Variants in MSR1 observed in about 807,000 individuals in gnomAD.
MSR1 encodes the protein macrophage scavenger receptor types I and II.
MSR1 carries 53 observed loss-of-function variants against 47.2 expected under a neutral mutation model. The ratio of observed to expected loss-of-function variants is 1.12; its 90% CI spans 0.90 to 1.41. The LOEUF (loss-of-function observed/expected upper bound fraction) is 1.41. MSR1 is among the 40% of genes most tolerant of loss of function. MSR1 has a pLI of 0.00. For missense variants in MSR1, 786 were observed against 546.9 expected (o/e 1.44, Z -4.36); for synonymous variants, 239 against 185.6 (o/e 1.29, Z -2.34).
At chr8:16,164,015 T>A in intron 5 of MSR1, 50 bp downstream of exon 5, 1 of 1,385,552 alleles carries the variant, frequency 7.2e-7, no homozygotes, top group South Asian at 1.3e-5. Flanking sequence ...CATGTATCAG[T>A]ATATTTTAAT....
At chr8:16,122,366 C>T (rs1212416847) in intron 8 of MSR1, among the ~76,000 whole-genome samples, 1 of 151,988 alleles carries the variant, frequency 6.6e-6, no homozygotes, top group African/African-American at 2.4e-5. Flanking sequence ...AGTGTGATAT[C>T]CAAATGTTTA....
intron 1 of MSR1, among the ~76,000 whole-genome samples, chr8:16,185,240 G>T (rs575755884): frequency 6.6e-6 from 1 of 151,136 alleles, no homozygotes; most frequent in African/African-American, 2.4e-5. Context: ...TTTTTTCTTA[G>T]TCTGCACAGT....
chr8:16,187,364 CA>C (rs751848634), intron 1 of MSR1, among the ~76,000 whole-genome samples: 551 of 35,428 alleles, frequency 0.016, 1 homozygote, highest in Non-Finnish European at 0.023. Flanking sequence ...ACTCTGTCTC[CA>C]AAAAAAAAAA....
intron 1 of MSR1, among the ~76,000 whole-genome samples, chr8:16,179,782 C>T (rs1801770007): frequency 7.3e-6 from 1 of 137,634 alleles, no homozygotes; most frequent in South Asian, 2.2e-4. Context: ...GAGGCTGAGG[C>T]AGTAAAATCG....
chr8:16,179,652 G>A (rs1801766361), intron 1 of MSR1, among the ~76,000 whole-genome samples: 1 of 151,952 alleles, frequency 6.6e-6, no homozygotes, highest in South Asian at 2.1e-4. Context: ...GGCTGAGATG[G>A]GTGAATCACC....
intron 1 of MSR1, 92 bp from the exon 2 acceptor site, chr8:16,178,084 T>C (rs577982370): frequency 1.0e-6 from 1 of 981,534 alleles, no homozygotes; most frequent in African/African-American, 1.6e-5. Flanking sequence ...CAGTTTGAAA[T>C]GGAATCTATT....
chr8:16,119,902 G>A (rs1799957569), intron 9 of MSR1, among the ~76,000 whole-genome samples: 1 of 136,454 alleles, frequency 7.3e-6, no homozygotes, highest in South Asian at 2.3e-4. Context: ...AATTGGTAGA[G>A]ATAGGATCTT....
Position 16,109,960 on chromosome 8 carries a change from T to A in MSR1, c.*125A>T. On this transcript the variant is annotated 3_prime_UTR_variant, in exon 10 of 10. Coordinates refer to ENST00000262101, the MANE Select transcript of MSR1 (RefSeq NM_138715.3). ...GGTGTTCAATATATTAATCCTGTAATCTAAAATATTATTTGGGCAATATTC... is the reference window on the plus strand; with the variant it reads ...GGTGTTCAATATATTAATCCTGTAAACTAAAATATTATTTGGGCAATATTC... 1 of 1,119,540 alleles carries A rather than the reference T, an allele frequency of 8.9e-7. No homozygotes were observed. Among genetic ancestry groups the A allele is most frequent in the Non-Finnish European group, 1.3e-6 (1 of 762,110 alleles). The allele number at this position is 1,119,540 out of a possible 1,614,324, so 69.4% of individuals were successfully genotyped here. A position where few individuals can be genotyped will look rare whatever the true frequency, so the allele number is the denominator to read the frequency against.
rs1259236977 is a variant in MSR1 at position 16,110,012 on chromosome 8, G to A, written c.*73C>T. The stretch of plus-strand genomic sequence containing the variant: ...TAATCTCTTAAATATTGATTAAATG[G>A]ATTTTACAGGAACAAGGTAATAAAA... On this transcript the variant is annotated 3_prime_UTR_variant, in exon 10 of 10. Coordinates refer to ENST00000262101, the MANE Select transcript of MSR1 (RefSeq NM_138715.3). 1.3e-6 allele frequency: 2 copies of A among 1,569,030 alleles called. No homozygotes were observed. The highest frequency in any genetic ancestry group is 1.7e-6 in the Non-Finnish European group (2 of 1,143,018).
At chr8:16,129,539 A>T (rs1343636195) in intron 8 of MSR1, among the ~76,000 whole-genome samples, 1 of 152,098 alleles carries the variant, frequency 6.6e-6, no homozygotes, top group African/African-American at 2.4e-5. Context: ...TGAGTTTAGC[A>T]GTTAGAGACC....
intron 8 of MSR1, among the ~76,000 whole-genome samples, chr8:16,141,486 A>G: frequency 6.6e-6 from 1 of 152,328 alleles, no homozygotes; most frequent in East Asian, 1.9e-4. Context: ...AGAGGTAGTG[A>G]CATATATAAT....
Position 16,110,076 on chromosome 8 carries a change from T to C in MSR1, c.*9A>G. ...GCGATTTCATAGTTGTGAATGAAAATATGATGCATTATAAAGTGCAAGTGA... is the reference window on the plus strand; with the variant it reads ...GCGATTTCATAGTTGTGAATGAAAACATGATGCATTATAAAGTGCAAGTGA... On this transcript the variant is annotated 3_prime_UTR_variant, in exon 10 of 10. Coordinates refer to ENST00000262101, the MANE Select transcript of MSR1 (RefSeq NM_138715.3). The C allele has an allele frequency of 1.2e-6, 2 of 1,613,342 alleles. No homozygotes were observed. The highest frequency in any genetic ancestry group is 1.7e-6 in the Non-Finnish European group (2 of 1,179,542).
At chr8:16,125,654 A>G (rs1415040233) in intron 8 of MSR1, among the ~76,000 whole-genome samples, 1 of 152,166 alleles carries the variant, frequency 6.6e-6, no homozygotes, top group Non-Finnish European at 1.5e-5. Context: ...AATGCACAAA[A>G]ACATGAACGG....
chr8:16,189,456 T>C (rs865881553), intron 1 of MSR1, among the ~76,000 whole-genome samples: 7 of 31,172 alleles, frequency 2.2e-4, no homozygotes, highest in South Asian at 2.1e-3. Flanking sequence ...TAAAATCTTA[T>C]TTTATATATA....
intron 1 of MSR1, among the ~76,000 whole-genome samples, chr8:16,183,602 A>ATTATGT (rs1801902837): frequency 7.3e-6 from 1 of 136,992 alleles, no homozygotes; most frequent in African/African-American, 2.7e-5. Flanking sequence ...AATATATTAT[A>ATTATGT]TAATAGGCAA....
intron 4 of MSR1, among the ~76,000 whole-genome samples, chr8:16,166,164 CTTTTTTT>C (rs397892292): frequency 1.4e-5 from 1 of 71,306 alleles, no homozygotes; most frequent in Non-Finnish European, 2.5e-5. Context: ...CTTTTTCTTT[CTTTTTTT>C]TTTTTTTTTT....
At chr8:16,142,412 T>C (rs1001055711) in intron 8 of MSR1, among the ~76,000 whole-genome samples, 8 of 152,052 alleles carry the variant, frequency 5.3e-5, no homozygotes, top group Admixed American at 6.6e-5. Flanking sequence ...ATGGATAGAA[T>C]GGAGAAAAGA....
chr8:16,188,348 C>A (rs569305312), intron 1 of MSR1, among the ~76,000 whole-genome samples: 2 of 151,816 alleles, frequency 1.3e-5, no homozygotes, highest in Admixed American at 6.6e-5. Flanking sequence ...GGAAAAAAAC[C>A]CTTAATTTTT....
At chr8:16,184,918 T>C (rs1415803595) in intron 1 of MSR1, among the ~76,000 whole-genome samples, 1 of 152,128 alleles carries the variant, frequency 6.6e-6, no homozygotes, top group Non-Finnish European at 1.5e-5. Context: ...AACCACCTAG[T>C]ACATGTCTAT....
Sources: allele counts gnomAD v4.1 joint callset (sites outside exome capture counted in the v4.1 genomes callset), GRCh38; gene constraint gnomAD v4.1.1; transcripts MANE v1.5; gene names NCBI Gene and HGNC (gene_info 2026-07-23, HGNC 2026-07-21).